PCDH9: variants seen among roughly 807,000 people sequenced by gnomAD.
The protein encoded by PCDH9 is protocadherin 9.
In PCDH9, 24 loss-of-function variants were observed where a neutral mutation model predicts 70.6. That is an observed-to-expected ratio of 0.34 (90% CI 0.25 to 0.48). PCDH9 has a LOEUF of 0.48. Ranked by LOEUF, PCDH9 falls within the 20% of genes least tolerant of loss-of-function variation. The pLI is 0.99. For missense variants in PCDH9, 1,281 were observed against 1,503.6 expected (o/e 0.85, Z 2.45); for synonymous variants, 562 against 558.5 (o/e 1.01, Z -0.09).
chr13:66,831,943 A>AT (rs972944909), intron 3 of PCDH9, among the ~76,000 whole-genome samples: 3 of 152,112 alleles, frequency 2.0e-5, no homozygotes, highest in Non-Finnish European at 2.9e-5. Flanking sequence ...CTTATAAATC[A>AT]TTTTTTTAGG....
intron 4 of PCDH9, among the ~76,000 whole-genome samples, chr13:66,401,212 A>G (rs1462376863): frequency 6.6e-6 from 1 of 152,124 alleles, no homozygotes; most frequent in African/African-American, 2.4e-5. Context: ...CTTGAATTGT[A>G]GTCCGAATTG....
At chr13:67,013,329 G>A (rs2084490774) in intron 2 of PCDH9, among the ~76,000 whole-genome samples, 1 of 148,114 alleles carries the variant, frequency 6.8e-6, no homozygotes, top group African/African-American at 2.5e-5. Flanking sequence ...CCTGAAATAT[G>A]GATCATACTT....
At chr13:66,576,471 T>TA (rs2138763352) in intron 4 of PCDH9, among the ~76,000 whole-genome samples, 1 of 152,202 alleles carries the variant, frequency 6.6e-6, no homozygotes, top group African/African-American at 2.4e-5. Flanking sequence ...CATTCACAGT[T>TA]AGAGTCCTAA....
intron 4 of PCDH9, among the ~76,000 whole-genome samples, chr13:66,502,040 G>A (rs1303394822): frequency 1.3e-5 from 2 of 152,036 alleles, no homozygotes; most frequent in Non-Finnish European, 2.9e-5. Context: ...ATGCATTTTT[G>A]CAATTTTGCC....
At chr13:66,324,152 AC>A (rs1955801285) in intron 4 of PCDH9, among the ~76,000 whole-genome samples, 1 of 152,038 alleles carries the variant, frequency 6.6e-6, no homozygotes, top group Non-Finnish European at 1.5e-5. Flanking sequence ...AGTACTGTAG[AC>A]CAAGACAGCA....
intron 2 of PCDH9, among the ~76,000 whole-genome samples, chr13:67,046,254 C>A (rs564732494): frequency 6.6e-6 from 1 of 152,156 alleles, no homozygotes; most frequent in African/African-American, 2.4e-5. Context: ...GCATGGGCTG[C>A]TAATGGATTT....
chr13:66,912,661 T>C (rs1201971979), intron 2 of PCDH9, among the ~76,000 whole-genome samples: 5 of 152,030 alleles, frequency 3.3e-5, no homozygotes, highest in Non-Finnish European at 5.9e-5. Context: ...GCATAAAATA[T>C]TTCATTTTAA....
chr13:67,118,697 G>A (rs1296268902), intron 2 of PCDH9, among the ~76,000 whole-genome samples: 4 of 152,108 alleles, frequency 2.6e-5, no homozygotes, highest in African/African-American at 9.7e-5. Flanking sequence ...AGAAGCCAGA[G>A]AGTATGATAG....
chr13:66,802,701 GATTT>G (rs2080345953), intron 3 of PCDH9, among the ~76,000 whole-genome samples: 1 of 151,996 alleles, frequency 6.6e-6, no homozygotes. Context: ...ATTAATATTT[GATTT>G]ATTAAATGTT....
At chr13:66,681,131 T>C (rs896126840) in intron 3 of PCDH9, among the ~76,000 whole-genome samples, 4 of 152,012 alleles carry the variant, frequency 2.6e-5, no homozygotes, top group African/African-American at 4.8e-5. Flanking sequence ...CAATCCCACA[T>C]GCCCTGTAAA....
At chr13:67,185,772 G>A (rs576546886) in intron 2 of PCDH9, among the ~76,000 whole-genome samples, 5 of 152,206 alleles carry the variant, frequency 3.3e-5, no homozygotes, top group African/African-American at 9.6e-5. Context: ...CACTCTTGTT[G>A]CCCAGGCTGG....
chr13:66,649,833 G>A (rs1030412106), intron 3 of PCDH9, among the ~76,000 whole-genome samples: 1 of 151,956 alleles, frequency 6.6e-6, no homozygotes, highest in African/African-American at 2.4e-5. Flanking sequence ...CAAAGTTAAA[G>A]TGTAGAGTTT....
At chr13:67,104,893 G>T (rs997107732) in intron 2 of PCDH9, among the ~76,000 whole-genome samples, 2 of 150,914 alleles carry the variant, frequency 1.3e-5, no homozygotes, top group Admixed American at 1.3e-4. Flanking sequence ...TTCTATAAGA[G>T]AATCCTTAAT....
chr13:66,669,661 G>A (rs1164924163), intron 3 of PCDH9, among the ~76,000 whole-genome samples: 1 of 152,026 alleles, frequency 6.6e-6, no homozygotes. Context: ...AGACAAAAGG[G>A]AATATTTATT....
chr13:66,421,339 A>C (rs553601065), intron 4 of PCDH9, among the ~76,000 whole-genome samples: 2 of 152,240 alleles, frequency 1.3e-5, no homozygotes, highest in African/African-American at 4.8e-5. Flanking sequence ...TCACAAAGAT[A>C]CTTCTCGAGA....
At chr13:66,777,079 G>A (rs1233831806) in intron 3 of PCDH9, among the ~76,000 whole-genome samples, 1 of 150,418 alleles carries the variant, frequency 6.6e-6, no homozygotes, top group Non-Finnish European at 1.5e-5. Flanking sequence ...CTAGCCATAT[G>A]TAGAAAGCTG....
intron 3 of PCDH9, among the ~76,000 whole-genome samples, chr13:66,667,421 T>G (rs947784509): frequency 1.3e-5 from 2 of 152,160 alleles, no homozygotes; most frequent in Non-Finnish European, 2.9e-5. Flanking sequence ...AATCTTAAAA[T>G]TTTATTTCCT....
chr13:66,556,130 T>C (rs1961730286), intron 4 of PCDH9, among the ~76,000 whole-genome samples: 1 of 151,902 alleles, frequency 6.6e-6, no homozygotes, highest in South Asian at 2.1e-4. Flanking sequence ...ATATGCTGCA[T>C]TTTTCTGCAT....
intron 2 of PCDH9, among the ~76,000 whole-genome samples, chr13:67,057,780 T>G (rs1418907762): frequency 6.6e-6 from 1 of 152,074 alleles, no homozygotes; most frequent in Admixed American, 6.6e-5. Flanking sequence ...GCTCTGATAA[T>G]AAATACTATG....
Sources: allele counts gnomAD v4.1 joint callset (sites outside exome capture counted in the v4.1 genomes callset), GRCh38; gene constraint gnomAD v4.1.1; transcripts MANE v1.5; gene names NCBI Gene and HGNC (gene_info 2026-07-23, HGNC 2026-07-21).